The following TTC1 variants were observed in gnomAD, a reference collection of about 807,000 sequenced individuals.
The protein encoded by TTC1 is tetratricopeptide repeat domain 1, also known as tetratricopeptide repeat protein 1.
In TTC1, 31 loss-of-function variants were observed where a neutral mutation model predicts 37.6. That is an observed-to-expected ratio of 0.82 (90% confidence interval 0.62 to 1.11). TTC1 has a LOEUF of 1.11. TTC1 is among the 50% of genes most tolerant of loss of function. The probability of loss-of-function intolerance (pLI) is 0.00; values close to 1 mark genes in which losing one functional copy is unlikely to be tolerated. For synonymous variants in TTC1, 127 were observed against 122.4 expected (o/e 1.04, Z -0.25); for missense variants, 351 against 339.0 (o/e 1.04, Z -0.28).
At chr5:160,017,148 G>A (rs1161338745) in intron 2 of TTC1, among the ~76,000 whole-genome samples, 1 of 152,200 alleles carries the variant, frequency 6.6e-6, no homozygotes, top group Non-Finnish European at 1.5e-5. Context: ...GAGAGGCTTG[G>A]CTAAGGTGAA....
Position 160,060,184 on chromosome 5 carries a change from A to C in TTC1, c.746-4748A>C, listed in dbSNP as rs536949029. 2.6e-5 allele frequency among the ~76,000 whole-genome samples: 4 copies of C among 152,338 alleles called. No individual in the cohort carries two copies. The South Asian group carries it at 8.3e-4, about 32-fold the overall frequency. ...ATCTGAACAGAGGAGAAAGTCCCAA[A>C]GGAGCCATTCCATCGAATCCATGCC... On this transcript the variant is annotated intron_variant, in intron 7 of 7. Transcript: ENST00000231238.
chr5:160,023,993 C>T, intron 2 of TTC1: 1 of 1,531,764 alleles, frequency 6.5e-7, no homozygotes, highest in Non-Finnish European at 9.0e-7. Context: ...TTGCATGAAA[C>T]AATCTTTTGC....
At chr5:160,048,808 G>T (rs569360400) in intron 5 of TTC1, among the ~76,000 whole-genome samples, 9 of 152,186 alleles carry the variant, frequency 5.9e-5, no homozygotes, top group African/African-American at 2.2e-4. Flanking sequence ...AAAATTAGCC[G>T]GGCATGGTGG....
chr5:160,033,641 A>C (rs1384630552), intron 2 of TTC1, among the ~76,000 whole-genome samples: 1 of 152,184 alleles, frequency 6.6e-6, no homozygotes, highest in Non-Finnish European at 1.5e-5. Context: ...TCATGGCGGA[A>C]AGTGAAGAGA....
At chr5:160,028,556 C>T (rs1756850505) in intron 2 of TTC1, among the ~76,000 whole-genome samples, 1 of 152,104 alleles carries the variant, frequency 6.6e-6, no homozygotes, top group African/African-American at 2.4e-5. Flanking sequence ...CAATCATGGC[C>T]TCAACTTCCT....
chr5:160,064,883 G>A, intron 7 of TTC1, 49 bp from the exon 8 acceptor site: 2 of 1,576,582 alleles, frequency 1.3e-6, no homozygotes, highest in Non-Finnish European at 1.7e-6. Flanking sequence ...GTACCTTCCT[G>A]CTTCTGTTCA....
rs141025330 is a variant in TTC1, at chr5:160,043,240, G to T, written c.541+71G>T. ...TGTCAGACAGAGGGGCTTTGGGTCAGGTGTGCACTTGTACATGTGTACCCT... is the reference window on the plus strand; with the variant it reads ...TGTCAGACAGAGGGGCTTTGGGTCATGTGTGCACTTGTACATGTGTACCCT... On this transcript the variant is annotated intron_variant, in intron 5 of 7. Coordinates refer to ENST00000231238, the MANE Select transcript of TTC1 (RefSeq NM_003314.3). 412 of 1,557,976 alleles carry T rather than the reference G, an allele frequency of 2.6e-4. 3 individuals carry two copies. In the African/African-American group the frequency reaches 4.9e-3, roughly 18 times the overall value.
chr5:160,014,437 G>A (rs1431350112), intron 2 of TTC1, among the ~76,000 whole-genome samples: 1 of 151,638 alleles, frequency 6.6e-6, no homozygotes, highest in Admixed American at 6.6e-5. Flanking sequence ...GCTGAGGCTG[G>A]AGGATCACTT....
intron 2 of TTC1, among the ~76,000 whole-genome samples, chr5:160,017,038 C>T (rs1441294191): frequency 6.6e-6 from 1 of 152,108 alleles, no homozygotes; most frequent in Non-Finnish European, 1.5e-5. Flanking sequence ...TAAATCTTAA[C>T]TATTTGTGAA....
At chr5:160,049,277 C>T (rs1757339265) in intron 5 of TTC1, among the ~76,000 whole-genome samples, 1 of 152,310 alleles carries the variant, frequency 6.6e-6, no homozygotes, top group Middle Eastern at 3.4e-3. Context: ...TGCCTGCTCT[C>T]GTGCTACAAT....
At chr5:160,024,152 T>G in intron 2 of TTC1, 2 of 588,824 alleles carry the variant, frequency 3.4e-6, no homozygotes, top group Non-Finnish European at 6.1e-6. Context: ...GCCATAAGTA[T>G]GTTGAAAAAC....
At chr5:160,023,429 C>T (rs1351311137) in intron 2 of TTC1, among the ~76,000 whole-genome samples, 1 of 151,806 alleles carries the variant, frequency 6.6e-6, no homozygotes, top group Non-Finnish European at 1.5e-5. Context: ...ATAGCTGGGA[C>T]TACAGGCATA....
At chr5:160,041,784 C>T (rs991473988) in intron 4 of TTC1, among the ~76,000 whole-genome samples, 2 of 152,166 alleles carry the variant, frequency 1.3e-5, no homozygotes, top group Non-Finnish European at 2.9e-5. Context: ...TATACACAGT[C>T]TATCATTGAT....
intron 2 of TTC1, chr5:160,023,979 C>A: frequency 6.5e-7 from 1 of 1,549,760 alleles, no homozygotes; most frequent in Non-Finnish European, 8.9e-7. Flanking sequence ...TTGGTCCCAC[C>A]TGGTTGCATG....
intron 2 of TTC1, among the ~76,000 whole-genome samples, chr5:160,024,937 A>G (rs1170932272): frequency 3.9e-5 from 6 of 152,304 alleles, no homozygotes; most frequent in African/African-American, 7.2e-5. Flanking sequence ...CCTGGGCTCC[A>G]GTGATCCTCC....
chr5:160,051,570 A>G (rs1265907432), intron 7 of TTC1, among the ~76,000 whole-genome samples: 4 of 152,240 alleles, frequency 2.6e-5, no homozygotes, highest in African/African-American at 9.6e-5. Context: ...GGATGCAGTC[A>G]AGATCATGAG....
intron 2 of TTC1, chr5:160,023,776 G>A: frequency 1.2e-6 from 2 of 1,613,248 alleles, no homozygotes; most frequent in Non-Finnish European, 8.5e-7. Context: ...CTGCCTTGCT[G>A]TCTTTTGATG....
intron 2 of TTC1, among the ~76,000 whole-genome samples, chr5:160,016,424 G>A (rs1176277470): frequency 3.3e-5 from 5 of 152,016 alleles, no homozygotes; most frequent in African/African-American, 9.7e-5. Context: ...AAGATGAATC[G>A]TAGGTATTGA....
intron 2 of TTC1, among the ~76,000 whole-genome samples, chr5:160,014,572 C>T (rs1341967883): frequency 2.6e-5 from 4 of 151,484 alleles, no homozygotes; most frequent in Non-Finnish European, 4.4e-5. Flanking sequence ...TCACGTGTGG[C>T]ACAAGCCTGT....
Sources: gnomAD v4.1 joint callset for allele counts (sites outside exome capture counted in the v4.1 genomes callset) on GRCh38, gnomAD v4.1.1 for gene constraint, MANE v1.5 for transcripts, NCBI Gene and HGNC (gene_info 2026-07-23, HGNC 2026-07-21) for gene names.